The following AGPAT4 variants were observed in gnomAD, a reference collection of about 807,000 sequenced individuals.
AGPAT4 encodes the protein 1-acylglycerol-3-phosphate O-acyltransferase 4, also known as 1-acyl-sn-glycerol-3-phosphate acyltransferase delta.
In AGPAT4, 15 loss-of-function variants were observed where a neutral mutation model predicts 48.0. The observed-to-expected ratio is 0.31, with a 90% CI of 0.21 to 0.48. The LOEUF is 0.48. Among genes scored for constraint, AGPAT4 ranks in the 20% least tolerant of loss-of-function variants. The probability of loss-of-function intolerance (pLI) is 0.99; values close to 1 mark genes in which losing one functional copy is unlikely to be tolerated. For synonymous variants in AGPAT4, 178 were observed against 198.7 expected, an observed-to-expected ratio of 0.90 and a Z score of 0.88; for missense variants, 314 against 482.5, an observed-to-expected ratio of 0.65 and a Z score of 3.27.
Position 161,245,501 on chromosome 6 carries a change from G to A in AGPAT4, c.-89-13199C>T, listed in dbSNP as rs887648187. ...CACCCTAGAGGGATCGCCAGGAGTAGAGCTCAGAGGAAGCACTCTGCTGCC... is the reference window on the plus strand; with the variant it reads ...CACCCTAGAGGGATCGCCAGGAGTAAAGCTCAGAGGAAGCACTCTGCTGCC... On this transcript the variant is annotated intron_variant, in intron 1 of 8. Transcript: ENST00000320285. This position sits in a 1 kb window ranked among gnomAD's most constrained non-coding sequence, Gnocchi z 5.2. 3.3e-5 allele frequency among the ~76,000 whole-genome samples: 5 copies of A among 152,174 alleles called. No individual in the cohort carries two copies. The highest frequency in any genetic ancestry group is 1.3e-4 in the Admixed American group (2 of 15,278).
chr6:161,130,111 G>A lies in AGPAT4; in HGVS notation c.*6429C>T, dbSNP rs1257048615. 1 of 152,168 alleles carries A rather than the reference G, an allele frequency of 6.6e-6. No individual in the cohort carries two copies. The highest frequency in any genetic ancestry group is 1.5e-5 in the Non-Finnish European group (1 of 68,050). 9.4% of individuals were successfully genotyped at this position (152,168 alleles called of 1,614,324 possible). ...TGGAAAGATTGCTACACATGACAGAGCGACAGTACCCTAGGGTGACATGAC... is the reference window on the plus strand; with the variant it reads ...TGGAAAGATTGCTACACATGACAGAACGACAGTACCCTAGGGTGACATGAC... On this transcript the variant is annotated 3_prime_UTR_variant, in exon 9 of 9. Transcript: ENST00000320285.
At chr6:161,153,833 A>ACAGCCC in intron 4 of AGPAT4, among the ~76,000 whole-genome samples, 2 of 149,018 alleles carry the variant, frequency 1.3e-5, no homozygotes, top group Non-Finnish European at 1.5e-5. Flanking sequence ...GGGGTCACAC[A>ACAGCCC]TAGCCCCAGG....
chr6:161,130,768 A>G lies in AGPAT4; in HGVS notation c.*5772T>C, dbSNP rs1047500984. On this transcript the variant is annotated 3_prime_UTR_variant, in exon 9 of 9. Coordinates refer to ENST00000320285, the MANE Select transcript of AGPAT4 (RefSeq NM_020133.3). The stretch of plus-strand genomic sequence containing the variant: ...TTGTAGCCTTGGCACAGCTGAGGCC[A>G]TGCCATTGCTACCCGGAAGCTGGCT... 4 of 498,598 alleles carry G rather than the reference A, an allele frequency of 8.0e-6. No individual in the cohort carries two copies. Among genetic ancestry groups the G allele is most frequent in the African/African-American group, 3.9e-5 (2 of 51,726 alleles). 30.9% of individuals were successfully genotyped at this position (498,598 alleles called of 1,614,324 possible).
intron 2 of AGPAT4, among the ~76,000 whole-genome samples, chr6:161,170,587 A>G (rs1467649741): frequency 6.6e-6 from 1 of 152,186 alleles, no homozygotes; most frequent in Non-Finnish European, 1.5e-5. Flanking sequence ...TTATGTAAAT[A>G]TACTGCACAT....
intron 2 of AGPAT4, among the ~76,000 whole-genome samples, chr6:161,205,320 CAA>C (rs1430363105): frequency 6.6e-6 from 1 of 152,110 alleles, no homozygotes; most frequent in Non-Finnish European, 1.5e-5. Flanking sequence ...AGAACCAACC[CAA>C]AGAGGACACA....
intron 5 of AGPAT4, among the ~76,000 whole-genome samples, chr6:161,152,654 G>A (rs901095528): frequency 3.3e-5 from 5 of 152,168 alleles, no homozygotes; most frequent in African/African-American, 9.7e-5. Flanking sequence ...GCATGGGGCC[G>A]GGAGCCGCAT....
Position 161,219,617 on chromosome 6 carries a change from A to T in AGPAT4, c.178+12419T>A, listed in dbSNP as rs894498609. 6.6e-6 allele frequency among the ~76,000 whole-genome samples: 1 copy of T among 152,178 alleles called. No homozygotes were observed. Among genetic ancestry groups the T allele is most frequent in the Non-Finnish European group, 1.5e-5 (1 of 68,028 alleles). On this transcript the variant is annotated intron_variant, in intron 2 of 8. Transcript: ENST00000320285. The surrounding 1 kb of genome is among the most constrained non-coding windows in gnomAD (Gnocchi z 4.9). ...AAAACAAATGGGCACTTTGCGAATT[A>T]ATTTATTTATAAACCATATGAATAG...
intron 1 of AGPAT4, among the ~76,000 whole-genome samples, chr6:161,241,278 A>G (rs2115043899): frequency 6.6e-6 from 1 of 152,030 alleles, no homozygotes; most frequent in African/African-American, 2.4e-5. Context: ...AAAAAAAAAA[A>G]AAAAAAAATT....
chr6:161,173,501 T>C (rs971135515), intron 2 of AGPAT4, among the ~76,000 whole-genome samples: 1 of 152,248 alleles, frequency 6.6e-6, no homozygotes, highest in African/African-American at 2.4e-5. Context: ...GTTTGATTTT[T>C]TCTTGTAGAT....
chr6:161,189,866 C>G lies in AGPAT4; in HGVS notation c.179-23449G>C, dbSNP rs971545725. ...AGGCCCAGGCTCTGTTCTGTCTTATCAGTTCTGAAATGCTCCGTTGGTTCA... is the reference window on the plus strand; with the variant it reads ...AGGCCCAGGCTCTGTTCTGTCTTATGAGTTCTGAAATGCTCCGTTGGTTCA... On this transcript the variant is annotated intron_variant, in intron 2 of 8. Transcript: ENST00000320285. The surrounding 1 kb of genome is among the most constrained non-coding windows in gnomAD (Gnocchi z 5.3). 2.0e-5 allele frequency among the ~76,000 whole-genome samples: 3 copies of G among 152,212 alleles called. No individual in the cohort carries two copies. Among genetic ancestry groups the G allele is most frequent in the Non-Finnish European group, 4.4e-5 (3 of 68,048 alleles).
rs1158777557 is a variant in AGPAT4 at position 161,272,832 on chromosome 6, T to C, written c.-90+1106A>G. On this transcript the variant is annotated intron_variant, in intron 1 of 8. Transcript: ENST00000320285. This position sits in a 1 kb window ranked among gnomAD's most constrained non-coding sequence, Gnocchi z 4.2. Reference sequence around the variant, plus strand: ...ATCCTTCCACAGTTTTGAAAAAGTCTAGCAACCCTCACCTTGAAGAGAGTG... The same window carrying C: ...ATCCTTCCACAGTTTTGAAAAAGTCCAGCAACCCTCACCTTGAAGAGAGTG... Among the ~76,000 whole-genome samples, 1 of 152,166 alleles carries C rather than the reference T, an allele frequency of 6.6e-6. No homozygotes were observed. Among genetic ancestry groups the C allele is most frequent in the East Asian group, 1.9e-4 (1 of 5,190 alleles).
In AGPAT4 at chr6:161,245,424, C is replaced by T. The variant is rs957560765; in HGVS notation, c.-89-13122G>A. ...AATGGGAAATGGGGCCACTTGTGCA[C>T]GTGCCTTTAACCACAGTGCTTCTGA... On this transcript the variant is annotated intron_variant, in intron 1 of 8. Coordinates refer to ENST00000320285, the MANE Select transcript of AGPAT4 (RefSeq NM_020133.3). The surrounding 1 kb of genome is among the most constrained non-coding windows in gnomAD (Gnocchi z 5.2). 2.4e-4 allele frequency among the ~76,000 whole-genome samples: 37 copies of T among 152,290 alleles called. No homozygotes were observed. Among genetic ancestry groups the T allele is most frequent in the African/African-American group, 8.7e-4 (36 of 41,564 alleles).
rs1779111706 is a variant in AGPAT4, at chr6:161,137,664, C to T, written c.1043-1030G>A. 6.6e-6 allele frequency among the ~76,000 whole-genome samples: 1 copy of T among 152,176 alleles called. No homozygotes were observed. Among genetic ancestry groups the T allele is most frequent in the African/African-American group, 2.4e-5 (1 of 41,430 alleles). On this transcript the variant is annotated intron_variant, in intron 8 of 8. Coordinates refer to ENST00000320285, the MANE Select transcript of AGPAT4 (RefSeq NM_020133.3). The surrounding 1 kb of genome is among the most constrained non-coding windows in gnomAD (Gnocchi z 6.1). ...GAGTAAAGAACACAAACACAAAGTC[C>T]TTCAGGGAAGAATGCAGTCAGGCGC...
At position 161,229,282 on chromosome 6, in the gene AGPAT4, G is replaced by A. The variant is rs146725531; in HGVS notation, c.178+2754C>T. Among the ~76,000 whole-genome samples the A allele has an allele frequency of 5.3e-3, 805 of 152,226 alleles. 5 individuals are homozygous for A. The highest frequency in any genetic ancestry group is 0.018 in the African/African-American group (750 of 41,536). ...CTGCAAATCATGAATGCTGATGACT[G>A]TCTAAGCTCAGAGTGACTCATACAC... On this transcript the variant is annotated intron_variant, in intron 2 of 8. Coordinates refer to ENST00000320285, the MANE Select transcript of AGPAT4 (RefSeq NM_020133.3). The surrounding 1 kb of genome is among the most constrained non-coding windows in gnomAD (Gnocchi z 6.0).
Position 161,148,426 on chromosome 6 carries a change from T to C in AGPAT4, c.767+761A>G, listed in dbSNP as rs1199180227. Among the ~76,000 whole-genome samples, 1 of 152,204 alleles carries C rather than the reference T, an allele frequency of 6.6e-6. No individual in the cohort carries two copies. The highest frequency in any genetic ancestry group is 1.5e-5 in the Non-Finnish European group (1 of 68,022). ...TGGCCTGGTGGGAATGTAGGGCCCCTGGATTTTCAGGGTGCTGTGTTGTAA... is the reference window on the plus strand; with the variant it reads ...TGGCCTGGTGGGAATGTAGGGCCCCCGGATTTTCAGGGTGCTGTGTTGTAA... On this transcript the variant is annotated intron_variant, in intron 6 of 8. Transcript: ENST00000320285. The surrounding 1 kb of genome is among the most constrained non-coding windows in gnomAD (Gnocchi z 5.5).
In AGPAT4 at chr6:161,139,414, C is replaced by A; in HGVS notation, c.1042+8G>T. On this transcript the variant is annotated splice_region_variant and intron_variant, in intron 8 of 8. Coordinates refer to ENST00000320285, the MANE Select transcript of AGPAT4 (RefSeq NM_020133.3). This position sits in a 1 kb window ranked among gnomAD's most constrained non-coding sequence, Gnocchi z 9.1. Reference sequence around the variant, plus strand: ...TCAGCACCCACCAGCCCCTTGCCCTCCACTCACCCACAAAGAAGACGAGGA... The same window carrying A: ...TCAGCACCCACCAGCCCCTTGCCCTACACTCACCCACAAAGAAGACGAGGA... 2 of 1,613,676 alleles carry A rather than the reference C, an allele frequency of 1.2e-6. No homozygotes were observed. The highest frequency in any genetic ancestry group is 1.7e-6 in the Non-Finnish European group (2 of 1,179,726).
chr6:161,143,896 T>C lies in AGPAT4; in HGVS notation c.843+2628A>G. On this transcript the variant is annotated intron_variant, in intron 7 of 8. Transcript: ENST00000320285. This position sits in a 1 kb window ranked among gnomAD's most constrained non-coding sequence, Gnocchi z 4.7. ...CATTCCCCTCCCATTTTGCAGAAAC[T>C]TTACTTGTCCATGAAATTGAAAAGT... The C allele has an allele frequency of 3.2e-6, 1 of 307,896 alleles. No individual in the cohort carries two copies. Among genetic ancestry groups the C allele is most frequent in the South Asian group, 2.8e-5 (1 of 35,874 alleles). The allele number at this position is 307,896 out of a possible 1,614,324, so 19.1% of individuals were successfully genotyped here. A position where few individuals can be genotyped will look rare whatever the true frequency, so the allele number is the denominator to read the frequency against.
chr6:161,146,124 ATC>A lies in AGPAT4; in HGVS notation c.843+398_843+399del, dbSNP rs1779416466. ...CCAAGGTGGATCCTTGTAGGGCTTT[ATC>A]CTGCTTATTCTGGAGATGCTTTGAG... is the stretch of plus-strand genomic sequence containing the variant. On this transcript the variant is annotated intron_variant, in intron 7 of 8. Transcript: ENST00000320285. The surrounding 1 kb of genome is among the most constrained non-coding windows in gnomAD (Gnocchi z 7.1). Among the ~76,000 whole-genome samples the A allele has an allele frequency of 6.6e-6, 1 of 151,600 alleles. No homozygotes were observed. Among genetic ancestry groups the A allele is most frequent in the Non-Finnish European group, 1.5e-5 (1 of 68,034 alleles).
At position 161,251,673 on chromosome 6, in the gene AGPAT4, C is replaced by T. The variant is rs1374509206; in HGVS notation, c.-89-19371G>A. ...AAGTTCATTTGTGCCAACGTATTCC[C>T]AGGTGGGAATGAGGGGAGCCAGGTG... On this transcript the variant is annotated intron_variant, in intron 1 of 8. Coordinates refer to ENST00000320285, the MANE Select transcript of AGPAT4 (RefSeq NM_020133.3). This position sits in a 1 kb window ranked among gnomAD's most constrained non-coding sequence, Gnocchi z 4.6. 3.3e-5 allele frequency among the ~76,000 whole-genome samples: 5 copies of T among 152,204 alleles called. No homozygotes were observed. Among genetic ancestry groups the T allele is most frequent in the South Asian group, 4.1e-4 (2 of 4,830 alleles).
Sources: gnomAD v4.1 joint callset for allele counts (sites outside exome capture counted in the v4.1 genomes callset) on GRCh38, gnomAD v4.1.1 for gene constraint, Gnocchi (gnomAD v3.1) non-coding constraint, MANE v1.5 for transcripts, NCBI Gene and HGNC (gene_info 2026-07-23, HGNC 2026-07-21) for gene names.